Variants in NTN1 observed in about 807,000 individuals in gnomAD.
NTN1 encodes the protein netrin-1.
In NTN1, 11 loss-of-function variants were observed where a neutral mutation model predicts 54.2. That is an observed-to-expected ratio of 0.20 (90% CI 0.13 to 0.34). The LOEUF (loss-of-function observed/expected upper bound fraction) is 0.34, where lower values mean the gene tolerates loss of function less well. Ranked by LOEUF, NTN1 falls within the 10% of genes least tolerant of loss-of-function variation. NTN1 has a pLI of 1.00. For synonymous variants in NTN1, 371 were observed against 382.0 expected (o/e 0.97, Z 0.33); for missense variants, 740 against 893.1 (o/e 0.83, Z 2.18).
upstream of NTN1, among the ~76,000 whole-genome samples, chr17:9,017,700 G>A (rs994564351): frequency 6.6e-6 from 1 of 152,174 alleles, no homozygotes; most frequent in Non-Finnish European, 1.5e-5. Flanking sequence ...GCACTGTTGC[G>A]TTTTGAACTC....
intron 2 of NTN1, among the ~76,000 whole-genome samples, chr17:9,113,053 T>G (rs2092198048): frequency 6.7e-6 from 1 of 149,202 alleles, no homozygotes; most frequent in Non-Finnish European, 1.5e-5. Context: ...AGACAGAGTC[T>G]CACTCTGTCG....
chr17:9,050,417 C>T (rs936388303), intron 2 of NTN1, among the ~76,000 whole-genome samples: 2 of 151,882 alleles, frequency 1.3e-5, no homozygotes, highest in African/African-American at 4.8e-5. Flanking sequence ...CACCTGTAAT[C>T]CCAGCACTAT....
intron 2 of NTN1, among the ~76,000 whole-genome samples, chr17:9,159,539 T>C (rs1419638214): frequency 6.6e-6 from 1 of 152,178 alleles, no homozygotes; most frequent in African/African-American, 2.4e-5. Context: ...CAGTGGCTCA[T>C]GTCTGTAATC....
At chr17:9,153,465 C>T (rs776574032) in intron 2 of NTN1, among the ~76,000 whole-genome samples, 2 of 152,022 alleles carry the variant, frequency 1.3e-5, no homozygotes, top group Admixed American at 6.6e-5. Flanking sequence ...AAAAGAAACT[C>T]TGGGGGTTGA....
At chr17:9,023,482 G>T in intron 2 of NTN1, 91 bp downstream of exon 2, 1 of 1,299,960 alleles carries the variant, frequency 7.7e-7, no homozygotes, top group East Asian at 3.1e-5. Context: ...AGGAGCGCGG[G>T]TCGAGGGAAC....
chr17:9,023,322 C>T lies in NTN1; in HGVS notation c.949C>T (p.Arg317Cys). The change falls in exon 2 of 7, where the codon CGC becomes TGC. Residue 317 changes from arginine (R) to cysteine (C), a missense_variant. By Grantham distance (180) the Arg-to-Cys change is radical. Coordinates refer to ENST00000173229, the MANE Select transcript of NTN1 (RefSeq NM_004822.3). ...CAACACGGCCGGCCCGGAGTGCGAC[C>T]GCTGCAAGCCCTTCCACTACGACCG... Reference protein sequence around the residue: ...RHNTAGPECDRCKPFHYDRPW... With the variant: ...RHNTAGPECDCCKPFHYDRPW... 6.5e-7 allele frequency: 1 copy of T among 1,529,842 alleles called. No individual in the cohort carries two copies. Among genetic ancestry groups the T allele is most frequent in the Non-Finnish European group, 8.8e-7 (1 of 1,138,970 alleles). The allele number at this position is 1,529,842 out of a possible 1,614,324, so 94.8% of individuals were successfully genotyped here. A position where few individuals can be genotyped will look rare whatever the true frequency, so the allele number is the denominator to read the frequency against.
At chr17:9,065,179 T>A (rs1476631000) in intron 2 of NTN1, among the ~76,000 whole-genome samples, 1 of 152,162 alleles carries the variant, frequency 6.6e-6, no homozygotes, top group African/African-American at 2.4e-5. Flanking sequence ...TCAGGTGATC[T>A]GCCTGCCTCC....
intron 5 of NTN1, among the ~76,000 whole-genome samples, chr17:9,198,118 G>C (rs1904687164): frequency 6.6e-6 from 1 of 152,202 alleles, no homozygotes; most frequent in Non-Finnish European, 1.5e-5. Flanking sequence ...TCTTGTGTGG[G>C]TGATTTATTG....
intron 5 of NTN1, among the ~76,000 whole-genome samples, chr17:9,215,285 A>ACGCACATACACACG (rs369373835): frequency 6.6e-6 from 1 of 151,336 alleles, no homozygotes. Flanking sequence ...ACACACACAC[A>ACGCACATACACACG]CACATACACA....
intron 2 of NTN1, among the ~76,000 whole-genome samples, chr17:9,033,676 G>C (rs1011107960): frequency 6.6e-6 from 1 of 152,146 alleles, no homozygotes; most frequent in East Asian, 1.9e-4. Flanking sequence ...CCAGCACTTC[G>C]GGAGGCCGAG....
upstream of NTN1, among the ~76,000 whole-genome samples, chr17:9,020,786 C>A (rs1182941637): frequency 1.3e-5 from 2 of 152,206 alleles, no homozygotes; most frequent in Non-Finnish European, 2.9e-5. Flanking sequence ...CGGTGGCCAG[C>A]GTCCAGGTGC....
intron 5 of NTN1, among the ~76,000 whole-genome samples, chr17:9,201,260 A>G (rs1339098477): frequency 6.6e-6 from 1 of 152,184 alleles, no homozygotes; most frequent in Non-Finnish European, 1.5e-5. Context: ...CCAGGGAGGT[A>G]GCTCATTTTA....
chr17:9,154,394 C>A (rs573645975), intron 2 of NTN1, among the ~76,000 whole-genome samples: 1 of 152,194 alleles, frequency 6.6e-6, no homozygotes, highest in Non-Finnish European at 1.5e-5. Flanking sequence ...TGAAGTAAAA[C>A]CTAAGTCTGG....
At chr17:9,114,154 A>T (rs1189769664) in intron 2 of NTN1, among the ~76,000 whole-genome samples, 16 of 39,196 alleles carry the variant, frequency 4.1e-4, no homozygotes, top group East Asian at 1.2e-3. Context: ...AAAAAAAAAG[A>T]AAAAAAAAAA....
intron 2 of NTN1, among the ~76,000 whole-genome samples, chr17:9,057,962 A>C (rs1470328191): frequency 6.6e-6 from 1 of 152,238 alleles, no homozygotes; most frequent in Non-Finnish European, 1.5e-5. Context: ...ATCTCAGCTC[A>C]CTGCAACCTC....
Position 9,059,112 on chromosome 17 carries a change from C to T in NTN1, c.1018+35721C>T, listed in dbSNP as rs142143998. On this transcript the variant is annotated intron_variant, in intron 2 of 6. Coordinates refer to ENST00000173229, the MANE Select transcript of NTN1 (RefSeq NM_004822.3). ...ACAGTAAGCCCTCTATATTATCATT[C>T]ATGGTGATGCCTACCTGCTACGTGG... Among the ~76,000 whole-genome samples the T allele has an allele frequency of 3.8e-4, 58 of 152,270 alleles. 1 individual carries two copies. Among genetic ancestry groups the T allele is most frequent in the Middle Eastern group, 3.4e-3 (1 of 292 alleles).
chr17:9,062,825 C>G (rs982817531), intron 2 of NTN1, among the ~76,000 whole-genome samples: 4 of 152,122 alleles, frequency 2.6e-5, no homozygotes, highest in African/African-American at 9.7e-5. Flanking sequence ...GTAGGTGTCA[C>G]AACGTCAGCT....
intron 5 of NTN1, among the ~76,000 whole-genome samples, chr17:9,201,186 C>A (rs1432645652): frequency 1.3e-5 from 2 of 152,184 alleles, no homozygotes; most frequent in African/African-American, 2.4e-5. Flanking sequence ...GGCTCGAATG[C>A]AGATTTGGTC....
intron 2 of NTN1, among the ~76,000 whole-genome samples, chr17:9,145,302 C>G (rs1416227137): frequency 6.6e-6 from 1 of 152,136 alleles, no homozygotes; most frequent in Non-Finnish European, 1.5e-5. Flanking sequence ...GTTCCCAAGC[C>G]CCCTAATTTT....
Sources: allele counts gnomAD v4.1 joint callset (sites outside exome capture counted in the v4.1 genomes callset), GRCh38; gene constraint gnomAD v4.1.1; transcripts MANE v1.5; gene names NCBI Gene and HGNC (gene_info 2026-07-23, HGNC 2026-07-21).